The following PALLD variants were observed in gnomAD, a reference collection of about 807,000 sequenced individuals.
PALLD encodes palladin, cytoskeletal associated protein, also known as palladin.
A neutral mutation model predicts 123.5 loss-of-function variants in PALLD; 61 were observed. The ratio of observed to expected loss-of-function variants is 0.49; its 90% CI spans 0.40 to 0.61. The LOEUF is 0.61. Among genes scored for constraint, PALLD ranks in the 20% least tolerant of loss-of-function variants. The pLI, the probability that PALLD is intolerant of heterozygous loss-of-function variation, is 0.00. For synonymous variants in PALLD, 465 were observed against 496.4 expected (o/e 0.94, Z 0.84); for missense variants, 1,273 against 1,377.0 (o/e 0.92, Z 1.20).
intron 17 of PALLD, among the ~76,000 whole-genome samples, chr4:168,920,130 C>G (rs1761141227): frequency 6.6e-6 from 1 of 152,130 alleles, no homozygotes; most frequent in African/African-American, 2.4e-5. Flanking sequence ...ATGTCCACTC[C>G]CTCTTCCTCC....
intron 10 of PALLD, among the ~76,000 whole-genome samples, chr4:168,889,138 T>TTGTGTGTGTGTGTGTGTG (rs143065658): frequency 1.1e-3 from 140 of 132,234 alleles, no homozygotes; most frequent in South Asian, 2.4e-3. Flanking sequence ...TTGCTTTATT[T>TTGTGTGTGTGTGTGTGTG]TGTGTGTGTG....
At chr4:168,540,674 T>C (rs1212502293) in intron 2 of PALLD, among the ~76,000 whole-genome samples, 1 of 152,162 alleles carries the variant, frequency 6.6e-6, no homozygotes, top group Non-Finnish European at 1.5e-5. Flanking sequence ...TTTTAATGAG[T>C]CATTAGCATT....
At chr4:168,642,895 CTGAG>C (rs950799380) in intron 2 of PALLD, among the ~76,000 whole-genome samples, 2 of 152,196 alleles carry the variant, frequency 1.3e-5, no homozygotes, top group African/African-American at 4.8e-5. Context: ...CATAAGTCTC[CTGAG>C]TGATTGTCAG....
intron 10 of PALLD, among the ~76,000 whole-genome samples, chr4:168,805,511 C>T (rs900302419): frequency 6.6e-6 from 1 of 152,158 alleles, no homozygotes; most frequent in Non-Finnish European, 1.5e-5. Context: ...CCTGAATTTC[C>T]TCTGGGGTTA....
rs1762652851 is a variant in PALLD at position 168,926,986 on chromosome 4, A to C, written c.*806A>C. 4.6e-6 allele frequency: 1 copy of C among 219,664 alleles called. No individual in the cohort carries two copies. Among genetic ancestry groups the C allele is most frequent in the Non-Finnish European group, 9.2e-6 (1 of 109,232 alleles). 13.6% of individuals were successfully genotyped at this position (219,664 alleles called of 1,614,324 possible). A position where few individuals can be genotyped will look rare whatever the true frequency, so the allele number is the denominator to read the frequency against. On this transcript the variant is annotated 3_prime_UTR_variant, in exon 22 of 22. Transcript: ENST00000505667. ...AAAAGAGTTTTCTAACAAGGTTAAT[A>C]CCTTAGTTCTTAACATTTTTTTTCT...
At chr4:168,855,940 A>G (rs911105867) in intron 10 of PALLD, among the ~76,000 whole-genome samples, 43 of 152,112 alleles carry the variant, frequency 2.8e-4, no homozygotes, top group African/African-American at 1.0e-3. Context: ...GTTTCCATTG[A>G]TCCTCTCACC....
At chr4:168,678,784 TG>T (rs1358583116) in intron 3 of PALLD, among the ~76,000 whole-genome samples, 1 of 151,580 alleles carries the variant, frequency 6.6e-6, no homozygotes, top group Non-Finnish European at 1.5e-5. Context: ...TGTGTGTGTG[TG>T]TGTGTGGTGT....
chr4:168,536,606 A>G (rs1232001511), intron 2 of PALLD: 1 of 152,276 alleles, frequency 6.6e-6, no homozygotes, highest in Non-Finnish European at 1.5e-5. Flanking sequence ...AGCACAAGGC[A>G]GGAAGAAATG....
chr4:168,516,208 C>A (rs1217432420), intron 2 of PALLD, among the ~76,000 whole-genome samples: 1 of 152,150 alleles, frequency 6.6e-6, no homozygotes, highest in Non-Finnish European at 1.5e-5. Context: ...ACATGATATG[C>A]AAATTATATT....
At chr4:168,574,109 C>T (rs1769280806) in intron 2 of PALLD, among the ~76,000 whole-genome samples, 1 of 151,904 alleles carries the variant, frequency 6.6e-6, no homozygotes. Context: ...ATAAAAAGGG[C>T]ATGTTGAGAA....
intron 2 of PALLD, among the ~76,000 whole-genome samples, chr4:168,564,010 T>A (rs1304425586): frequency 1.3e-5 from 2 of 152,164 alleles, no homozygotes; most frequent in African/African-American, 4.8e-5. Flanking sequence ...ATCACCCTTC[T>A]CCCAGCCTTC....
intron 15 of PALLD, among the ~76,000 whole-genome samples, chr4:168,905,153 T>TG (rs1757408014): frequency 8.9e-5 from 12 of 134,394 alleles, no homozygotes; most frequent in African/African-American, 2.8e-4. Flanking sequence ...TTTTTTTTTT[T>TG]TTTTTTTTTT....
At chr4:168,896,668 T>C (rs373210861) in intron 13 of PALLD, 69 bp downstream of exon 13, 4 of 842,818 alleles carry the variant, frequency 4.7e-6, no homozygotes, top group Non-Finnish European at 7.6e-6. Flanking sequence ...TCTTCCTGTT[T>C]TACGTGTGTT....
chr4:168,827,299 G>A (rs1270548765), intron 10 of PALLD, among the ~76,000 whole-genome samples: 1 of 152,132 alleles, frequency 6.6e-6, no homozygotes, highest in Non-Finnish European at 1.5e-5. Context: ...TCCCCTACTA[G>A]TCTGTCTTCA....
chr4:168,676,687 A>G (rs932226500), intron 3 of PALLD, among the ~76,000 whole-genome samples: 3 of 151,174 alleles, frequency 2.0e-5, no homozygotes, highest in African/African-American at 7.3e-5. Context: ...CTGGGTTCAC[A>G]CCATTCTCCT....
At chr4:168,757,719 G>A (rs950776485) in intron 10 of PALLD, among the ~76,000 whole-genome samples, 14 of 152,164 alleles carry the variant, frequency 9.2e-5, no homozygotes. Context: ...AAATGACAAC[G>A]GCAATAGTAA....
intron 10 of PALLD, among the ~76,000 whole-genome samples, chr4:168,866,505 A>G (rs1750308193): frequency 6.6e-6 from 1 of 152,192 alleles, no homozygotes; most frequent in Admixed American, 6.5e-5. Context: ...TTAATACTAT[A>G]CTTGGAAAAT....
intron 10 of PALLD, among the ~76,000 whole-genome samples, chr4:168,817,649 C>T (rs947257313): frequency 1.3e-5 from 2 of 152,028 alleles, no homozygotes; most frequent in Non-Finnish European, 2.9e-5. Context: ...TTTTGCAGTA[C>T]GGGTGGAAGA....
chr4:168,542,244 T>C (rs1482063647), intron 2 of PALLD, among the ~76,000 whole-genome samples: 2 of 151,936 alleles, frequency 1.3e-5, no homozygotes, highest in Non-Finnish European at 2.9e-5. Context: ...TCTGTGGTTT[T>C]ATGGTAACTA....
Sources: gnomAD v4.1 joint callset for allele counts (sites outside exome capture counted in the v4.1 genomes callset) on GRCh38, gnomAD v4.1.1 for gene constraint, MANE v1.5 for transcripts, NCBI Gene and HGNC (gene_info 2026-07-23, HGNC 2026-07-21) for gene names.